OCA2: variants seen among roughly 807,000 people sequenced by gnomAD.
OCA2 encodes the protein P protein.
Under a neutral mutation model 100.2 loss-of-function variants are expected in OCA2, and 77 were observed. That is an observed-to-expected ratio of 0.77 (90% CI 0.64 to 0.93). The LOEUF (loss-of-function observed/expected upper bound fraction) is 0.93. OCA2 is among the 40% of genes least tolerant of loss of function. The probability of loss-of-function intolerance (pLI) is 0.00; values close to 1 mark genes in which losing one functional copy is unlikely to be tolerated. For missense variants in OCA2, 1,062 were observed against 1,089.1 expected, an observed-to-expected ratio of 0.98 and a Z score of 0.35; for synonymous variants, 432 against 439.2, an observed-to-expected ratio of 0.98 and a Z score of 0.21.
chr15:27,882,265 C>A (rs2037051681), intron 19 of OCA2, among the ~76,000 whole-genome samples: 1 of 152,126 alleles, frequency 6.6e-6, no homozygotes, highest in East Asian at 1.9e-4. Context: ...TCTCTAAGTT[C>A]TTTAGATTGG....
chr15:28,050,633 G>GC (rs572493229), intron 2 of OCA2, among the ~76,000 whole-genome samples: 261 of 151,396 alleles, frequency 1.7e-3, no homozygotes, highest in African/African-American at 5.8e-3. Context: ...GCATACGCAC[G>GC]CATCCTCTTC....
chr15:28,002,546 C>A (rs752458883), intron 9 of OCA2, among the ~76,000 whole-genome samples: 2 of 152,164 alleles, frequency 1.3e-5, no homozygotes, highest in Non-Finnish European at 2.9e-5. Context: ...AGGATGAAAG[C>A]TTTTGGGGAG....
chr15:27,884,457 A>G (rs1339511697), intron 19 of OCA2, among the ~76,000 whole-genome samples: 1 of 152,212 alleles, frequency 6.6e-6, no homozygotes, highest in Non-Finnish European at 1.5e-5. Flanking sequence ...TCTTCCCAGT[A>G]AACTTACTAA....
At chr15:27,923,339 G>T (rs961099621) in intron 19 of OCA2, among the ~76,000 whole-genome samples, 1 of 152,108 alleles carries the variant, frequency 6.6e-6, no homozygotes, top group African/African-American at 2.4e-5. Context: ...TACAGTACAA[G>T]AATTTATATT....
intron 15 of OCA2, among the ~76,000 whole-genome samples, chr15:27,959,658 C>T (rs1437347317): frequency 3.9e-5 from 6 of 152,148 alleles, no homozygotes; most frequent in Admixed American, 3.9e-4. Flanking sequence ...GGAAGTCTCT[C>T]CATGCCTTTA....
intron 2 of OCA2, among the ~76,000 whole-genome samples, chr15:28,048,727 C>T (rs879470356): frequency 2.6e-5 from 4 of 152,062 alleles, no homozygotes; most frequent in African/African-American, 4.8e-5. Flanking sequence ...ATTTCAGGGC[C>T]GGGCACGGTG....
At chr15:27,769,388 A>G (rs1462813014) in intron 23 of OCA2, among the ~76,000 whole-genome samples, 3 of 152,212 alleles carry the variant, frequency 2.0e-5, no homozygotes, top group Non-Finnish European at 2.9e-5. Flanking sequence ...TTGCTGGGAA[A>G]TGGGGCAGCC....
At chr15:27,769,543 C>A (rs539940787) in intron 23 of OCA2, among the ~76,000 whole-genome samples, 1 of 152,242 alleles carries the variant, frequency 6.6e-6, no homozygotes, top group African/African-American at 2.4e-5. Context: ...GGGTGCAGGG[C>A]ACACTGCTAA....
chr15:27,956,126 G>C (rs894750322), intron 16 of OCA2, among the ~76,000 whole-genome samples: 2 of 151,998 alleles, frequency 1.3e-5, no homozygotes, highest in African/African-American at 4.8e-5. Flanking sequence ...GAGGCAGGCG[G>C]ATCACCTGAG....
downstream of OCA2, among the ~76,000 whole-genome samples, chr15:27,754,090 CCGGGATATCCAGTCAGCTGCACGTGT>C (rs1423133933): frequency 1.1e-4 from 16 of 152,138 alleles, no homozygotes; most frequent in African/African-American, 3.9e-4. Flanking sequence ...AGGGGCTCCT[CCGGGATATCCAGTCAGCTGCACGTGT>C]CTCAAGGCTT....
At chr15:27,879,561 G>A (rs2036929483) in intron 19 of OCA2, among the ~76,000 whole-genome samples, 1 of 151,528 alleles carries the variant, frequency 6.6e-6, no homozygotes, top group African/African-American at 2.4e-5. Context: ...ACTGATGTGT[G>A]ATCTCATTGT....
At chr15:28,020,136 C>T (rs1238911968) in intron 6 of OCA2, among the ~76,000 whole-genome samples, 2 of 152,010 alleles carry the variant, frequency 1.3e-5, no homozygotes, top group South Asian at 4.1e-4. Context: ...CCCATCCCCA[C>T]CCCCTGCCAA....
intron 19 of OCA2, among the ~76,000 whole-genome samples, chr15:27,904,482 G>A (rs770721921): frequency 6.6e-6 from 1 of 152,152 alleles, no homozygotes; most frequent in Admixed American, 6.5e-5. Context: ...AGGTGCGGGG[G>A]TGGCTGAGAA....
chr15:27,980,431 A>AT (rs1385135960), intron 14 of OCA2, among the ~76,000 whole-genome samples: 1 of 152,122 alleles, frequency 6.6e-6, no homozygotes, highest in African/African-American at 2.4e-5. Context: ...ACGGCCAGTA[A>AT]TTTTTTAAAT....
At chr15:27,991,542 T>A (rs1298541976) in intron 9 of OCA2, among the ~76,000 whole-genome samples, 1 of 152,066 alleles carries the variant, frequency 6.6e-6, no homozygotes, top group Non-Finnish European at 1.5e-5. Flanking sequence ...AACAGAAAGA[T>A]CAGGGCTGCC....
rs1345735755 is a variant in OCA2, at chr15:27,770,836, C to T, written c.2433-15364G>A. Among the ~76,000 whole-genome samples the T allele has an allele frequency of 9.3e-5, 11 of 118,742 alleles. No homozygotes were observed. In the East Asian group the frequency reaches 3.3e-3, roughly 36 times the overall value. The allele number at this position is 118,742 out of a possible 152,430, so 77.9% of individuals were successfully genotyped here. The stretch of plus-strand genomic sequence containing the variant: ...TTCCTCCCTTCCATTCTTCCTTCCT[C>T]CCTCTTTTCCTTCCTTCCTTTCTTC... On this transcript the variant is annotated intron_variant, in intron 23 of 23. Coordinates refer to ENST00000354638, the MANE Select transcript of OCA2 (RefSeq NM_000275.3).
At chr15:27,824,622 A>ATATATATATATAT (rs56130193) in intron 23 of OCA2, among the ~76,000 whole-genome samples, 3 of 69,170 alleles carry the variant, frequency 4.3e-5, no homozygotes, top group East Asian at 9.9e-4. Context: ...ATATATATAT[A>ATATATATATATAT]ATATAATATA....
At chr15:28,004,844 C>G (rs2141145307) in intron 9 of OCA2, among the ~76,000 whole-genome samples, 1 of 152,202 alleles carries the variant, frequency 6.6e-6, no homozygotes, top group African/African-American at 2.4e-5. Context: ...TACTAACACA[C>G]ACACAGTCAC....
chr15:27,950,858 A>G (rs1420192459), intron 18 of OCA2, among the ~76,000 whole-genome samples: 1 of 152,156 alleles, frequency 6.6e-6, no homozygotes, highest in Non-Finnish European at 1.5e-5. Context: ...CACTCCTCAA[A>G]TTTCACAGTG....
Sources: gnomAD v4.1 joint callset for allele counts (sites outside exome capture counted in the v4.1 genomes callset) on GRCh38, gnomAD v4.1.1 for gene constraint, MANE v1.5 for transcripts, NCBI Gene and HGNC (gene_info 2026-07-23, HGNC 2026-07-21) for gene names.